The following NCAPG variants were observed in gnomAD, a reference collection of about 807,000 sequenced individuals.
The protein encoded by NCAPG is non-SMC condensin I complex subunit G, also known as condensin complex subunit 3.
Under a neutral mutation model 113.1 loss-of-function variants are expected in NCAPG, and 69 were observed. The ratio of observed to expected loss-of-function variants is 0.61; its 90% CI spans 0.50 to 0.75. NCAPG has a LOEUF of 0.75. NCAPG is among the 30% of genes least tolerant of loss of function. NCAPG has a pLI of 0.00. For missense variants in NCAPG, 1,058 were observed against 1,177.0 expected, an observed-to-expected ratio of 0.90 and a Z score of 1.48; for synonymous variants, 370 against 415.8, an observed-to-expected ratio of 0.89 and a Z score of 1.34.
intron 20 of NCAPG, 98 bp downstream of exon 20, chr4:17,842,477 A>AT: frequency 1.1e-6 from 1 of 925,084 alleles, no homozygotes; most frequent in Non-Finnish European, 1.7e-6. Flanking sequence ...GAGAGAATAT[A>AT]TAACAAGATA....
chr4:17,818,425 G>T (rs1195032764), intron 7 of NCAPG, among the ~76,000 whole-genome samples: 1 of 152,122 alleles, frequency 6.6e-6, no homozygotes, highest in African/African-American at 2.4e-5. Context: ...AGGGTCCTGT[G>T]GGCCATACCG....
Position 17,837,640 on chromosome 4 carries a change from T to A in NCAPG, c.2305T>A (p.Cys769Ser), listed in dbSNP as rs1722157400. Residue 769 changes from cysteine to serine, a missense_variant, in exon 16 of 21, where the codon TGC becomes AGC. Coordinates refer to ENST00000251496, the MANE Select transcript of NCAPG (RefSeq NM_022346.5). ...FAYASRTNQE[C>S]FEEAFLPTLQ... ...GTTTCTCAATAGGACTAATCAGGAATGCTTTGAAGAAGCTTTTCTTCCAAC... is the reference window on the plus strand; with the variant it reads ...GTTTCTCAATAGGACTAATCAGGAAAGCTTTGAAGAAGCTTTTCTTCCAAC... The A allele has an allele frequency of 1.9e-6, 3 of 1,613,388 alleles. No homozygotes were observed. Among genetic ancestry groups the A allele is most frequent in the African/African-American group, 1.3e-5 (1 of 74,898 alleles).
In NCAPG at chr4:17,825,572, CT is replaced by C; in HGVS notation, c.1653+17del. The C allele has an allele frequency of 1.3e-6, 2 of 1,571,810 alleles. No homozygotes were observed. Among genetic ancestry groups the C allele is most frequent in the Non-Finnish European group, 1.7e-6 (2 of 1,167,170 alleles). On this transcript the variant is annotated intron_variant, in intron 11 of 20. Transcript: ENST00000251496. ...GTCCACATAGAGAAGGTACAGGTAA[CT>C]TTTTTCATACTAAATCTCAGGTGTT...
chr4:17,830,883 A>G (rs1721842554), intron 12 of NCAPG, 114 bp from the exon 13 acceptor site: 1 of 1,078,058 alleles, frequency 9.3e-7, no homozygotes, highest in African/African-American at 1.6e-5. Context: ...CTGTTTTAGC[A>G]ATTTAATACT....
intron 12 of NCAPG, among the ~76,000 whole-genome samples, chr4:17,829,560 T>A (rs1373470343): frequency 6.6e-6 from 1 of 151,478 alleles, no homozygotes; most frequent in East Asian, 1.9e-4. Flanking sequence ...GGATATACAG[T>A]GTTATGTGAA....
chr4:17,824,936 C>A, intron 9 of NCAPG, 32 bp from the exon 10 acceptor site: 1 of 1,468,322 alleles, frequency 6.8e-7, no homozygotes, highest in Non-Finnish European at 9.5e-7. Context: ...ATATATCAAA[C>A]ATATATTAAA....
At chr4:17,825,315 G>C in intron 10 of NCAPG, 67 bp from the exon 11 acceptor site, 1 of 1,345,096 alleles carries the variant, frequency 7.4e-7, no homozygotes, top group Non-Finnish European at 1.0e-6. Flanking sequence ...TAATACTCCT[G>C]AGTTGCTACA....
intron 5 of NCAPG, among the ~76,000 whole-genome samples, chr4:17,815,733 A>G (rs780800475): frequency 8.5e-5 from 13 of 152,172 alleles, no homozygotes; most frequent in Non-Finnish European, 1.6e-4. Context: ...CATGTTGGCC[A>G]GACTGGTCTC....
At chr4:17,838,214 T>C (rs766923062) in intron 16 of NCAPG, among the ~76,000 whole-genome samples, 2 of 152,182 alleles carry the variant, frequency 1.3e-5, no homozygotes, top group African/African-American at 2.4e-5. Flanking sequence ...GATAAATCAA[T>C]TGCACACTGA....
intron 7 of NCAPG, among the ~76,000 whole-genome samples, chr4:17,820,805 G>A (rs551101286): frequency 2.0e-5 from 3 of 152,270 alleles, no homozygotes; most frequent in African/African-American, 7.2e-5. Flanking sequence ...ATTTTAGGCA[G>A]TAGATTCAAT....
Position 17,814,937 on chromosome 4 carries a change from T to C in NCAPG, c.629T>C (p.Leu210Ser), listed in dbSNP as rs1721140372. The change falls in exon 4 of 21, where the codon TTG becomes TCG. Residue 210 changes from leucine (L) to serine (S), a missense_variant. Coordinates refer to ENST00000251496, the MANE Select transcript of NCAPG (RefSeq NM_022346.5). The part of the protein sequence containing the change: ...LSCIAPSAKT[L>S]PKIVGRTKDV... ...TGTATTGCACCATCAGCAAAGACTT[T>C]GCCAAAAATTGTAGGGCGCACCAAG... The C allele has an allele frequency of 6.2e-7, 1 of 1,614,222 alleles. No homozygotes were observed. The highest frequency in any genetic ancestry group is 8.5e-7 in the Non-Finnish European group (1 of 1,180,036).
Position 17,843,341 on chromosome 4 carries a change from G to C in NCAPG, c.2964G>C (p.Met988Ile). ...EVPEPESEMK[M>I]RLPRRAKTAA... The stretch of plus-strand genomic sequence containing the variant: ...CAGAACCAGAATCAGAAATGAAGAT[G>C]AGACTACCAAGACGAGCCAAAACCG... Residue 988 changes from methionine to isoleucine, a missense_variant, in exon 21 of 21, where the codon ATG (methionine) becomes ATC (isoleucine). Met to Ile is a conservative substitution (Grantham distance 10). Coordinates refer to ENST00000251496, the MANE Select transcript of NCAPG (RefSeq NM_022346.5). The C allele has an allele frequency of 6.2e-7, 1 of 1,611,962 alleles. No individual in the cohort carries two copies. Among genetic ancestry groups the C allele is most frequent in the South Asian group, 1.1e-5 (1 of 90,982 alleles).
At chr4:17,830,679 A>T (rs1352785326) in intron 12 of NCAPG, among the ~76,000 whole-genome samples, 2 of 152,040 alleles carry the variant, frequency 1.3e-5, no homozygotes, top group Non-Finnish European at 2.9e-5. Flanking sequence ...GACTAGTTGA[A>T]CAAACTGAGC....
chr4:17,839,332 G>T (rs917628998), intron 16 of NCAPG, among the ~76,000 whole-genome samples: 1 of 152,164 alleles, frequency 6.6e-6, no homozygotes, highest in African/African-American at 2.4e-5. Context: ...AAATCTTTGG[G>T]AGAAGAGGTA....
chr4:17,831,284 T>C (rs1464566950), intron 13 of NCAPG, among the ~76,000 whole-genome samples, 168 bp downstream of exon 13: 1 of 152,216 alleles, frequency 6.6e-6, no homozygotes, highest in African/African-American at 2.4e-5. Context: ...AAAATGTCTT[T>C]GTAGAAAAAG....
intron 4 of NCAPG, 34 bp from the exon 5 acceptor site, chr4:17,815,240 A>C: frequency 2.0e-6 from 3 of 1,519,934 alleles, no homozygotes; most frequent in South Asian, 2.4e-5. Flanking sequence ...AATTGTGTTG[A>C]GGTTAATGAC....
chr4:17,837,634 C>G lies in NCAPG; in HGVS notation c.2299C>G (p.Gln767Glu), dbSNP rs756577018. ...PVFAYASRTN[Q>E]ECFEEAFLPT... Reference sequence around the variant, plus strand: ...GAATTTGTTTCTCAATAGGACTAATCAGGAATGCTTTGAAGAAGCTTTTCT... The same window carrying G: ...GAATTTGTTTCTCAATAGGACTAATGAGGAATGCTTTGAAGAAGCTTTTCT... The change falls in exon 16 of 21, where the codon CAG (glutamine) becomes GAG (glutamate). Residue 767 changes from glutamine to glutamate, a missense_variant. Transcript: ENST00000251496. The G allele has an allele frequency of 3.1e-6, 5 of 1,612,900 alleles. No individual in the cohort carries two copies. Among genetic ancestry groups the G allele is most frequent in the East Asian group, 4.5e-5 (2 of 44,880 alleles).
intron 13 of NCAPG, among the ~76,000 whole-genome samples, chr4:17,832,062 G>T (rs1279670676): frequency 6.6e-6 from 1 of 152,146 alleles, no homozygotes; most frequent in Non-Finnish European, 1.5e-5. Context: ...AATTAGTATG[G>T]CTGTAGTCCA....
chr4:17,811,378 A>G lies in NCAPG; in HGVS notation c.111+190A>G, dbSNP rs1000308888. Among the ~76,000 whole-genome samples the G allele has an allele frequency of 2.6e-5, 4 of 152,274 alleles. No homozygotes were observed. Among genetic ancestry groups the G allele is most frequent in the Non-Finnish European group, 5.9e-5 (4 of 68,016 alleles). On this transcript the variant is annotated intron_variant, in intron 1 of 20. Coordinates refer to ENST00000251496, the MANE Select transcript of NCAPG (RefSeq NM_022346.5). The surrounding 1 kb of genome is among the most constrained non-coding windows in gnomAD (Gnocchi z 5.3). ...GAGGTCGCCTGGGCCCAGGCCAGAAAGCCTCCGAAGCCTGGGCGTCGTTCA... is the reference window on the plus strand; with the variant it reads ...GAGGTCGCCTGGGCCCAGGCCAGAAGGCCTCCGAAGCCTGGGCGTCGTTCA...
Sources: allele counts gnomAD v4.1 joint callset (sites outside exome capture counted in the v4.1 genomes callset), GRCh38; gene constraint gnomAD v4.1.1; non-coding constraint Gnocchi (gnomAD v3.1); transcripts MANE v1.5; gene names NCBI Gene and HGNC (gene_info 2026-07-23, HGNC 2026-07-21).